The following NTM variants were observed in gnomAD, a reference collection of about 807,000 sequenced individuals.
NTM encodes neurotrimin, also known as IgLON family member 2.
NTM carries 13 observed loss-of-function variants against 42.1 expected under a neutral mutation model. That is an observed-to-expected ratio of 0.31 (90% CI 0.20 to 0.49). The LOEUF is 0.49. NTM is among the 20% of genes least tolerant of loss of function. NTM has a pLI of 0.99. For synonymous variants in NTM, 187 were observed against 179.2 expected, an observed-to-expected ratio of 1.04 and a Z score of -0.35; for missense variants, 373 against 452.8, an observed-to-expected ratio of 0.82 and a Z score of 1.60.
chr11:131,535,639 G>A (rs1015181129), intron 1 of NTM: 3 of 152,216 alleles, frequency 2.0e-5, no homozygotes, highest in Non-Finnish European at 4.4e-5. Flanking sequence ...GGCAAACATT[G>A]CAATTACCCC....
chr11:132,224,657 T>A (rs961374685), intron 4 of NTM, among the ~76,000 whole-genome samples: 1 of 152,170 alleles, frequency 6.6e-6, no homozygotes, highest in African/African-American at 2.4e-5. Flanking sequence ...TAGCTCTCCA[T>A]AGGCCAAGTC....
intron 4 of NTM, chr11:132,306,245 A>T (rs1352621697): frequency 6.6e-6 from 1 of 152,180 alleles, no homozygotes; most frequent in Non-Finnish European, 1.5e-5. Context: ...ACATACAATC[A>T]TCCCTTACAT....
At chr11:131,948,597 AG>A (rs1238110129) in intron 2 of NTM, among the ~76,000 whole-genome samples, 1 of 152,136 alleles carries the variant, frequency 6.6e-6, no homozygotes, top group Non-Finnish European at 1.5e-5. Flanking sequence ...TGTCCGGTTC[AG>A]CCCTTTAGCC....
rs145282944 is a variant in NTM at position 132,320,362 on chromosome 11, G to C, written c.934+5659G>C. On this transcript the variant is annotated intron_variant, in intron 7 of 8. Coordinates refer to ENST00000683400, the MANE Select transcript of NTM (RefSeq NM_001352005.2). Reference sequence around the variant, plus strand: ...AGCAGGGCGAGGCATTGCCTCACTCGGGAAGTGCAAGGGATCAGGGAGTTC... The same window carrying C: ...AGCAGGGCGAGGCATTGCCTCACTCCGGAAGTGCAAGGGATCAGGGAGTTC... 3.9e-5 allele frequency among the ~76,000 whole-genome samples: 6 copies of C among 152,322 alleles called. No homozygotes were observed. In the East Asian group the frequency reaches 9.7e-4, roughly 25 times the overall value.
chr11:132,206,220 T>C (rs2081969561), intron 3 of NTM, among the ~76,000 whole-genome samples: 1 of 152,244 alleles, frequency 6.6e-6, no homozygotes, highest in Non-Finnish European at 1.5e-5. Flanking sequence ...TTTTAAAAAA[T>C]TACGACATTT....
At chr11:131,701,321 A>AT (rs2076049823) in intron 1 of NTM, among the ~76,000 whole-genome samples, 1 of 152,180 alleles carries the variant, frequency 6.6e-6, no homozygotes, top group Non-Finnish European at 1.5e-5. Context: ...TAAATGAGAA[A>AT]CTGTATGTAA....
chr11:131,893,912 G>A (rs994798197), intron 1 of NTM, among the ~76,000 whole-genome samples: 1 of 152,178 alleles, frequency 6.6e-6, no homozygotes, highest in Admixed American at 6.5e-5. Context: ...GCCTGGAAGA[G>A]GGCGCATGTT....
intron 2 of NTM, among the ~76,000 whole-genome samples, chr11:131,997,666 C>T (rs61903475): frequency 4.6e-5 from 7 of 152,014 alleles, no homozygotes; most frequent in African/African-American, 7.3e-5. Context: ...TTTATCTTTT[C>T]GCTCTCTTTC....
intron 2 of NTM, among the ~76,000 whole-genome samples, chr11:131,971,097 G>A (rs570961663): frequency 6.6e-6 from 1 of 152,030 alleles, no homozygotes; most frequent in Non-Finnish European, 1.5e-5. Context: ...GATTTTGCTG[G>A]GTCATGGGAC....
At chr11:131,667,142 G>A (rs2069208236) in intron 1 of NTM, among the ~76,000 whole-genome samples, 1 of 152,112 alleles carries the variant, frequency 6.6e-6, no homozygotes, top group Admixed American at 6.5e-5. Context: ...TGCCCTACCT[G>A]GGATTCCTTC....
At chr11:131,660,259 C>T in intron 1 of NTM, 1 of 347,280 alleles carries the variant, frequency 2.9e-6, no homozygotes, top group Non-Finnish European at 5.8e-6. Context: ...GGTTGTTGGC[C>T]TCAGGGTGCT....
chr11:131,885,541 G>C (rs982605662), intron 1 of NTM, among the ~76,000 whole-genome samples: 8 of 152,154 alleles, frequency 5.3e-5, no homozygotes, highest in Non-Finnish European at 8.8e-5. Flanking sequence ...TCTTCCTCAG[G>C]GGCTGAGCAG....
At chr11:131,884,488 C>T (rs1484828537) in intron 1 of NTM, among the ~76,000 whole-genome samples, 1 of 152,130 alleles carries the variant, frequency 6.6e-6, no homozygotes, top group Non-Finnish European at 1.5e-5. Flanking sequence ...GGTCTCATAG[C>T]TAGAATAGGG....
intron 1 of NTM, among the ~76,000 whole-genome samples, chr11:131,645,893 C>T (rs559754341): frequency 3.0e-4 from 45 of 152,266 alleles, no homozygotes; most frequent in Non-Finnish European, 5.6e-4. Context: ...CCATTAGAAA[C>T]GTTCATGACG....
intron 1 of NTM, among the ~76,000 whole-genome samples, chr11:131,698,192 C>A (rs1460388249): frequency 6.6e-6 from 1 of 152,170 alleles, no homozygotes; most frequent in Non-Finnish European, 1.5e-5. Flanking sequence ...ATTCCACAAC[C>A]TTCCAGAGTG....
At chr11:131,586,043 A>C (rs1337092087) in intron 1 of NTM, among the ~76,000 whole-genome samples, 1 of 152,182 alleles carries the variant, frequency 6.6e-6, no homozygotes, top group Non-Finnish European at 1.5e-5. Context: ...GTGAAATTAC[A>C]CACTGTCATA....
intron 2 of NTM, among the ~76,000 whole-genome samples, chr11:132,004,843 T>C (rs926368769): frequency 6.6e-6 from 1 of 152,206 alleles, no homozygotes; most frequent in Non-Finnish European, 1.5e-5. Flanking sequence ...TTTTAAGTAA[T>C]GACATTATTG....
intron 4 of NTM, among the ~76,000 whole-genome samples, chr11:132,221,458 C>T (rs2085144966): frequency 6.6e-6 from 1 of 152,112 alleles, no homozygotes; most frequent in Non-Finnish European, 1.5e-5. Context: ...TGCCACATTG[C>T]AGACGTGGGT....
chr11:132,050,361 T>C (rs1039317276), intron 2 of NTM, among the ~76,000 whole-genome samples: 1 of 152,156 alleles, frequency 6.6e-6, no homozygotes, highest in Non-Finnish European at 1.5e-5. Flanking sequence ...CTCAGAGCCC[T>C]GTGAACCAGC....
Sources: gnomAD v4.1 joint callset for allele counts (sites outside exome capture counted in the v4.1 genomes callset) on GRCh38, gnomAD v4.1.1 for gene constraint, MANE v1.5 for transcripts, NCBI Gene and HGNC (gene_info 2026-07-23, HGNC 2026-07-21) for gene names.